AGMO: variants seen among roughly 807,000 people sequenced by gnomAD.
The protein encoded by AGMO is glyceryl-ether monooxygenase.
AGMO carries 75 observed loss-of-function variants against 60.2 expected under a neutral mutation model. That is an observed-to-expected ratio of 1.25 (90% CI 1.03 to 1.51). AGMO has a LOEUF of 1.51. Among genes scored for constraint, AGMO ranks in the 40% most tolerant of loss-of-function variants. The pLI, the probability that AGMO is intolerant of heterozygous loss-of-function variation, is 0.00. For synonymous variants in AGMO, 261 were observed against 177.1 expected (o/e 1.47, Z -3.76); for missense variants, 763 against 525.5 (o/e 1.45, Z -4.42).
chr7:15,209,377 A>T lies in AGMO; in HGVS notation c.1264-8018T>A, dbSNP rs867530587. Among the ~76,000 whole-genome samples the T allele has an allele frequency of 1.1e-4, 14 of 126,870 alleles. No homozygotes were observed. In the Admixed American group the frequency reaches 1.2e-3, roughly 10 times the overall value. The allele number at this position is 126,870 out of a possible 152,430, so 83.2% of individuals were successfully genotyped here. On this transcript the variant is annotated intron_variant, in intron 12 of 12. Coordinates refer to ENST00000342526, the MANE Select transcript of AGMO (RefSeq NM_001004320.2). ...CTCTACCATGTAGGAAACAAAAAAA[A>T]GTCTCAAAAAATGAGGTTTTTTTTT...
intron 12 of AGMO, among the ~76,000 whole-genome samples, chr7:15,298,608 C>T (rs1417369324): frequency 6.6e-6 from 1 of 152,008 alleles, no homozygotes; most frequent in Non-Finnish European, 1.5e-5. Flanking sequence ...CTCCATGTTG[C>T]CCAGACTAGT....
intron 12 of AGMO, among the ~76,000 whole-genome samples, chr7:15,267,598 C>T (rs770244654): frequency 9.2e-5 from 14 of 152,002 alleles, no homozygotes; most frequent in Non-Finnish European, 1.6e-4. Flanking sequence ...TGTTCCACAT[C>T]CATCTTTCCT....
chr7:15,491,978 T>G (rs997351530), intron 3 of AGMO, among the ~76,000 whole-genome samples: 3 of 152,194 alleles, frequency 2.0e-5, no homozygotes, highest in African/African-American at 7.2e-5. Flanking sequence ...ACATTCGCAG[T>G]GCAGTTTGAA....
intron 10 of AGMO, among the ~76,000 whole-genome samples, chr7:15,369,543 G>A (rs539132199): frequency 2.6e-5 from 4 of 152,040 alleles, no homozygotes; most frequent in Admixed American, 6.6e-5. Context: ...TGATCATTAG[G>A]GTGCATTTCA....
At chr7:15,239,933 C>A (rs1441301500) in intron 12 of AGMO, among the ~76,000 whole-genome samples, 4 of 152,068 alleles carry the variant, frequency 2.6e-5, no homozygotes, top group African/African-American at 7.2e-5. Context: ...ATTTCCTTAT[C>A]CATGCATTTT....
chr7:15,187,168 CTA>C, the AGMO span, among the ~76,000 whole-genome samples: 282 of 152,278 alleles, frequency 1.9e-3, 3 homozygotes, highest in Non-Finnish European at 6.5e-4. Context: ...AGAATTGTGT[CTA>C]TGTTTCTTGC....
intron 10 of AGMO, among the ~76,000 whole-genome samples, chr7:15,383,017 CTG>C (rs1276264418): frequency 6.6e-6 from 1 of 151,628 alleles, no homozygotes; most frequent in Admixed American, 6.6e-5. Context: ...TCAAGCCACT[CTG>C]TTGTTCTTCA....
chr7:15,390,952 CT>C lies in AGMO; in HGVS notation c.677-48del, dbSNP rs572898116. The C allele has an allele frequency of 4.1e-4, 487 of 1,189,590 alleles. 2 individuals are homozygous for C. The highest frequency in any genetic ancestry group is 3.2e-3 in the African/African-American group (195 of 61,272). 73.7% of individuals were successfully genotyped at this position (1,189,590 alleles called of 1,614,324 possible). A position where few individuals can be genotyped will look rare whatever the true frequency, so the allele number is the denominator to read the frequency against. ...ATTTTTTTTCAGAAAAATAGTTATG[CT>C]TTTTGAGATACTTCCATCTTGTTTT... is the stretch of plus-strand genomic sequence containing the variant. On this transcript the variant is annotated intron_variant, in intron 6 of 12. Coordinates refer to ENST00000342526, the MANE Select transcript of AGMO (RefSeq NM_001004320.2).
the AGMO span, among the ~76,000 whole-genome samples, chr7:15,184,601 GGAAA>G: frequency 1.6e-4 from 19 of 122,216 alleles, 1 homozygote; most frequent in African/African-American, 5.3e-4. Context: ...AGGAAGGGAA[GGAAA>G]GAAGGAAGAG....
the AGMO span, among the ~76,000 whole-genome samples, chr7:15,192,508 C>T: frequency 7.2e-5 from 11 of 152,228 alleles, no homozygotes; most frequent in Middle Eastern, 3.4e-3. Context: ...CACTGAGAGC[C>T]ACCTCCATCA....
intron 12 of AGMO, among the ~76,000 whole-genome samples, chr7:15,226,983 A>G (rs543558188): frequency 6.6e-6 from 1 of 152,096 alleles, no homozygotes; most frequent in Non-Finnish European, 1.5e-5. Context: ...ATGGTTAGGG[A>G]AGAATGTTGC....
chr7:15,517,046 G>T (rs1398521621), intron 3 of AGMO, among the ~76,000 whole-genome samples: 2 of 151,716 alleles, frequency 1.3e-5, no homozygotes, highest in Non-Finnish European at 2.9e-5. Flanking sequence ...CACTGAGAAA[G>T]ATCAACACTT....
At chr7:15,325,904 AAAG>A (rs1465923254) in intron 12 of AGMO, among the ~76,000 whole-genome samples, 2 of 152,096 alleles carry the variant, frequency 1.3e-5, no homozygotes, top group African/African-American at 2.4e-5. Context: ...TTAATGACAA[AAAG>A]AAGAGGAAGA....
At chr7:15,544,216 G>A (rs111675070) in intron 3 of AGMO, among the ~76,000 whole-genome samples, 3 of 151,924 alleles carry the variant, frequency 2.0e-5, no homozygotes, top group South Asian at 2.1e-4. Context: ...TTAGAGACTA[G>A]GGGGAGAGGG....
intron 3 of AGMO, among the ~76,000 whole-genome samples, chr7:15,506,234 T>C (rs116137194): frequency 0.013 from 2,037 of 151,888 alleles, 42 homozygotes; most frequent in African/African-American, 0.047. Flanking sequence ...TGCCAGAAAC[T>C]GAATGTAAAT....
At chr7:15,208,534 A>G (rs980180823) in intron 12 of AGMO, among the ~76,000 whole-genome samples, 5 of 152,214 alleles carry the variant, frequency 3.3e-5, no homozygotes, top group Non-Finnish European at 7.3e-5. Flanking sequence ...AAGAGCAGAA[A>G]AATAACAAGG....
rs190294916 is a variant in AGMO at position 15,404,012 on chromosome 7, C to T, written c.610-9833G>A. On this transcript the variant is annotated intron_variant, in intron 5 of 12. Transcript: ENST00000342526. ...TCCTGTTTGATTAGACAGTTTTCTA[C>T]TTCAGTAAGCATGTAATATGGAGGT... Among the ~76,000 whole-genome samples the T allele has an allele frequency of 2.2e-4, 34 of 151,950 alleles. No homozygotes were observed. In the East Asian group the frequency reaches 5.2e-3, roughly 23 times the overall value.
At chr7:15,485,974 T>C (rs183689824) in intron 3 of AGMO, among the ~76,000 whole-genome samples, 4 of 152,232 alleles carry the variant, frequency 2.6e-5, no homozygotes, top group African/African-American at 9.6e-5. Flanking sequence ...TACCACATCT[T>C]TACTATTTCT....
chr7:15,164,846 G>C, the AGMO span, among the ~76,000 whole-genome samples: 2 of 151,968 alleles, frequency 1.3e-5, no homozygotes, highest in African/African-American at 4.8e-5. Context: ...ATTTCTTAAA[G>C]AAATAAAAAT....
Sources: allele counts gnomAD v4.1 joint callset (sites outside exome capture counted in the v4.1 genomes callset), GRCh38; gene constraint gnomAD v4.1.1; transcripts MANE v1.5; gene names NCBI Gene and HGNC (gene_info 2026-07-23, HGNC 2026-07-21).